The following PCDHA2 variants were observed in gnomAD, a reference collection of about 807,000 sequenced individuals.
PCDHA2 encodes the protein protocadherin alpha 2, also known as protocadherin alpha-2.
Under a neutral mutation model 66.0 loss-of-function variants are expected in PCDHA2, and 58 were observed. The observed-to-expected ratio is 0.88, with a 90% CI of 0.71 to 1.09. PCDHA2 has a LOEUF of 1.09. Among genes scored for constraint, PCDHA2 ranks in the 50% least tolerant of loss-of-function variants. The pLI is 0.00. For synonymous variants in PCDHA2, 634 were observed against 554.0 expected (o/e 1.14, Z -2.03); for missense variants, 1,267 against 1,242.3 (o/e 1.02, Z -0.30).
At position 140,835,641 on chromosome 5, in the gene PCDHA2, G is replaced by A. The variant is rs2150240486; in HGVS notation, c.2388+38289G>A. ...CGCTCTGGACCGCGAGAGTGTGTCC[G>A]CCTATGAGCTGGTGGTTACCGCGCG... On this transcript the variant is annotated intron_variant, in intron 1 of 3. Transcript: ENST00000526136. 5.0e-6 allele frequency: 8 copies of A among 1,613,912 alleles called. No homozygotes were observed. In the South Asian group the frequency reaches 7.7e-5, roughly 16 times the overall value.
intron 1 of PCDHA2, among the ~76,000 whole-genome samples, chr5:140,950,960 A>G (rs2094536305): frequency 6.6e-6 from 1 of 151,564 alleles, no homozygotes. Flanking sequence ...CTATTGATCT[A>G]TTTTCAGATT....
At chr5:140,923,423 G>A (rs533295733) in intron 1 of PCDHA2, among the ~76,000 whole-genome samples, 1 of 152,142 alleles carries the variant, frequency 6.6e-6, no homozygotes. Context: ...GGCTACTTGG[G>A]AGGCTGGGGT....
intron 1 of PCDHA2, among the ~76,000 whole-genome samples, chr5:140,887,600 G>A (rs1306659335): frequency 6.6e-6 from 1 of 151,812 alleles, no homozygotes; most frequent in African/African-American, 2.4e-5. Context: ...TGATTGTGAT[G>A]TGCTTTAGTA....
chr5:140,918,387 C>A (rs1554198606), intron 1 of PCDHA2, among the ~76,000 whole-genome samples: 1 of 152,142 alleles, frequency 6.6e-6, no homozygotes, highest in Non-Finnish European at 1.5e-5. Context: ...TTATTTCTTT[C>A]TCTTGCCTGA....
chr5:140,943,257 C>CA (rs1238620023), intron 1 of PCDHA2, among the ~76,000 whole-genome samples: 3,333 of 76,804 alleles, frequency 0.043, 169 homozygotes, highest in Admixed American at 0.1. Context: ...GACTCTGTCT[C>CA]AAAAAAAAAA....
At chr5:140,931,881 T>C (rs2087825880) in intron 1 of PCDHA2, among the ~76,000 whole-genome samples, 1 of 152,002 alleles carries the variant, frequency 6.6e-6, no homozygotes, top group African/African-American at 2.4e-5. Flanking sequence ...TTTATTGCTT[T>C]CATTTTATTT....
At chr5:140,801,891 G>A (rs782272543) in intron 1 of PCDHA2, 15 of 1,614,092 alleles carry the variant, frequency 9.3e-6, no homozygotes, top group Non-Finnish European at 1.3e-5. Flanking sequence ...AAAGATCACT[G>A]TTTTAGATGT....
chr5:140,901,459 C>G (rs528238941), intron 1 of PCDHA2, among the ~76,000 whole-genome samples: 1 of 152,160 alleles, frequency 6.6e-6, no homozygotes, highest in South Asian at 2.1e-4. Flanking sequence ...CACAGACTGT[C>G]TTTTCTCGAG....
intron 1 of PCDHA2, among the ~76,000 whole-genome samples, chr5:140,919,300 C>A (rs547709389): frequency 6.6e-6 from 1 of 152,248 alleles, no homozygotes; most frequent in African/African-American, 2.4e-5. Flanking sequence ...GCTGTTTGTA[C>A]AATATATGTT....
intron 1 of PCDHA2, among the ~76,000 whole-genome samples, chr5:140,799,122 T>A (rs1762395136): frequency 6.6e-6 from 1 of 152,188 alleles, no homozygotes; most frequent in Non-Finnish European, 1.5e-5. Flanking sequence ...CTTATTTACA[T>A]TTTTTCTTGG....
At chr5:140,921,832 A>G (rs1276240870) in intron 1 of PCDHA2, among the ~76,000 whole-genome samples, 1 of 152,120 alleles carries the variant, frequency 6.6e-6, no homozygotes, top group African/African-American at 2.4e-5. Flanking sequence ...CTATACACAT[A>G]TAGACATATT....
intron 1 of PCDHA2, among the ~76,000 whole-genome samples, chr5:140,916,133 G>A (rs2077446110): frequency 6.6e-6 from 1 of 152,114 alleles, no homozygotes; most frequent in Non-Finnish European, 1.5e-5. Flanking sequence ...AAGCTTAAGG[G>A]CTGTTCAGTT....
intron 1 of PCDHA2, chr5:140,842,137 A>C (rs2150330187): frequency 1.2e-6 from 2 of 1,613,874 alleles, no homozygotes; most frequent in South Asian, 2.2e-5. Flanking sequence ...CGGATGAAGG[A>C]GCCAATGGGG....
intron 1 of PCDHA2, among the ~76,000 whole-genome samples, chr5:140,889,237 A>C (rs1181963973): frequency 6.6e-6 from 1 of 151,844 alleles, no homozygotes; most frequent in Non-Finnish European, 1.5e-5. Context: ...AACTTCCAGA[A>C]AATTTTCTGT....
chr5:140,963,766 A>G (rs574963836), intron 1 of PCDHA2, among the ~76,000 whole-genome samples: 1 of 152,372 alleles, frequency 6.6e-6, no homozygotes, highest in South Asian at 2.1e-4. Flanking sequence ...GTTGTATTTC[A>G]TGACGACAGC....
intron 1 of PCDHA2, among the ~76,000 whole-genome samples, chr5:140,831,520 CTTTTTTTTTT>C (rs35178185): frequency 8.2e-5 from 10 of 122,404 alleles, no homozygotes; most frequent in African/African-American, 3.2e-4. Flanking sequence ...TGCCCCCCAC[CTTTTTTTTTT>C]TTTTTTTTTT....
intron 1 of PCDHA2, chr5:140,804,431 G>T (rs1258659092): frequency 6.6e-6 from 1 of 151,840 alleles, no homozygotes; most frequent in African/African-American, 2.4e-5. Context: ...CATTTTAAAA[G>T]AATGTTTTAA....
At chr5:140,950,746 T>C (rs2094515579) in intron 1 of PCDHA2, among the ~76,000 whole-genome samples, 1 of 152,138 alleles carries the variant, frequency 6.6e-6, no homozygotes, top group Non-Finnish European at 1.5e-5. Context: ...AATTTCTCTC[T>C]ATCCTTTCTG....
At position 140,968,115 on chromosome 5, in the gene PCDHA2, C is replaced by T. The variant is rs199565711; in HGVS notation, c.2389-10834C>T. On this transcript the variant is annotated intron_variant, in intron 1 of 3. Coordinates refer to ENST00000526136, the MANE Select transcript of PCDHA2 (RefSeq NM_018905.3). ...ACAGATGGGGGAATACCGCAGCTCACATCCCTGCGTACACTGAAGGTTGAG... is the reference window on the plus strand; with the variant it reads ...ACAGATGGGGGAATACCGCAGCTCATATCCCTGCGTACACTGAAGGTTGAG... 8.7e-6 allele frequency: 14 copies of T among 1,614,068 alleles called. No individual in the cohort carries two copies. In the Admixed American group the frequency reaches 1.2e-4, roughly 13 times the overall value.
Sources: gnomAD v4.1 joint callset for allele counts (sites outside exome capture counted in the v4.1 genomes callset) on GRCh38, gnomAD v4.1.1 for gene constraint, MANE v1.5 for transcripts, NCBI Gene and HGNC (gene_info 2026-07-23, HGNC 2026-07-21) for gene names.